Variants in FAM227B observed in about 807,000 individuals in gnomAD.
The protein encoded by FAM227B is family with sequence similarity 227 member B, also known as protein FAM227B.
FAM227B carries 88 observed loss-of-function variants against 73.8 expected under a neutral mutation model. The observed-to-expected ratio is 1.19, with a 90% CI of 1.00 to 1.42. FAM227B has a LOEUF of 1.42. Among genes scored for constraint, FAM227B ranks in the 40% most tolerant of loss-of-function variants. The pLI is 0.00. For synonymous variants in FAM227B, 210 were observed against 190.5 expected, an observed-to-expected ratio of 1.10 and a Z score of -0.84; for missense variants, 632 against 590.9, an observed-to-expected ratio of 1.07 and a Z score of -0.72.
At chr15:49,443,218 T>C (rs1215087526) in intron 11 of FAM227B, among the ~76,000 whole-genome samples, 1 of 151,662 alleles carries the variant, frequency 6.6e-6, no homozygotes, top group South Asian at 2.1e-4. Context: ...AAACTTAGAA[T>C]GAAATAAATT....
At chr15:49,404,277 AT>A (rs2048364554) in intron 11 of FAM227B, among the ~76,000 whole-genome samples, 1 of 152,146 alleles carries the variant, frequency 6.6e-6, no homozygotes, top group Non-Finnish European at 1.5e-5. Flanking sequence ...TATCAGGTCC[AT>A]TTGATCCAGT....
chr15:49,430,365 C>T (rs890038661), intron 11 of FAM227B, among the ~76,000 whole-genome samples: 3 of 151,800 alleles, frequency 2.0e-5, no homozygotes, highest in Admixed American at 2.0e-4. Context: ...CACCTTATGA[C>T]TATGAACTCA....
At chr15:49,352,556 C>T (rs2042401523) in intron 13 of FAM227B, among the ~76,000 whole-genome samples, 1 of 152,160 alleles carries the variant, frequency 6.6e-6, no homozygotes, top group African/African-American at 2.4e-5. Context: ...TTTATCTAGG[C>T]TTCAGAGCGC....
In FAM227B at chr15:49,378,259, T is replaced by C. The variant is rs115681030; in HGVS notation, c.1013-6860A>G. On this transcript the variant is annotated intron_variant, in intron 11 of 15. Transcript: ENST00000299338. ...CAGTACCATGCTGTTTTGGTTCCTC[T>C]AGTTTTGCTCTTTTTGCTTAGGATA... is the stretch of plus-strand genomic sequence containing the variant. Among the ~76,000 whole-genome samples the C allele has an allele frequency of 2.5e-3, 382 of 152,056 alleles. 3 individuals are homozygous for C. Among genetic ancestry groups the C allele is most frequent in the African/African-American group, 8.6e-3 (358 of 41,538 alleles).
At chr15:49,416,402 A>C (rs1336759254) in intron 11 of FAM227B, among the ~76,000 whole-genome samples, 3 of 152,088 alleles carry the variant, frequency 2.0e-5, no homozygotes, top group African/African-American at 7.2e-5. Flanking sequence ...GAGGAAGATA[A>C]ATTCATAGTG....
In FAM227B at chr15:49,459,685, TC is replaced by T. The variant is rs775339616; in HGVS notation, c.1012+48525del. On this transcript the variant is annotated intron_variant, in intron 11 of 15. Coordinates refer to ENST00000299338, the MANE Select transcript of FAM227B (RefSeq NM_152647.3). ...TTCTCTACACTATTATTTTATGCTT[TC>T]AAAAATGACTGTACACATTTTCAGG... Among the ~76,000 whole-genome samples, 35 of 152,330 alleles carry T rather than the reference TC, an allele frequency of 2.3e-4. 1 individual carries two copies. In the East Asian group the frequency reaches 6.6e-3, roughly 29 times the overall value.
chr15:49,590,131 T>A, intron 3 of FAM227B, 124 bp from the exon 4 acceptor site: 1 of 602,472 alleles, frequency 1.7e-6, no homozygotes. Flanking sequence ...TATCACTTTT[T>A]AAAAATTTGA....
chr15:49,386,056 G>A (rs2046865890), intron 11 of FAM227B, among the ~76,000 whole-genome samples: 1 of 151,816 alleles, frequency 6.6e-6, no homozygotes, highest in South Asian at 2.1e-4. Flanking sequence ...AATAGTGGGA[G>A]ACTTCAGTGT....
intron 11 of FAM227B, among the ~76,000 whole-genome samples, chr15:49,425,849 G>A (rs1000156155): frequency 2.0e-5 from 3 of 151,626 alleles, no homozygotes; most frequent in Admixed American, 2.0e-4. Context: ...AAGGTATCAT[G>A]TTAGTTCTAG....
intron 11 of FAM227B, among the ~76,000 whole-genome samples, chr15:49,419,488 G>T (rs534118681): frequency 3.9e-5 from 6 of 152,122 alleles, no homozygotes; most frequent in Non-Finnish European, 5.9e-5. Context: ...AGAAAAAAAT[G>T]GGATAAATGA....
Position 49,327,943 on chromosome 15 carries a change from C to T in FAM227B, c.*625G>A, listed in dbSNP as rs1567070063. 6.3e-6 allele frequency: 10 copies of T among 1,592,334 alleles called. No individual in the cohort carries two copies. The highest frequency in any genetic ancestry group is 5.3e-5 in the Admixed American group (3 of 56,870). On this transcript the variant is annotated 3_prime_UTR_variant, in exon 16 of 16. Coordinates refer to ENST00000299338, the MANE Select transcript of FAM227B (RefSeq NM_152647.3). ...ATAGGTTCTAATATTTTTTTCCTCA[C>T]TGTTTTAGGAAGTTTGGGGCTCAAG...
At chr15:49,568,786 G>C (rs920146124) in intron 8 of FAM227B, among the ~76,000 whole-genome samples, 15 of 151,924 alleles carry the variant, frequency 9.9e-5, no homozygotes, top group Admixed American at 9.8e-4. Flanking sequence ...TGATTTGCTA[G>C]TATTTTGTTG....
rs1596903852 is a variant in FAM227B, at chr15:49,400,037, T to G, written c.1013-28638A>C. Among the ~76,000 whole-genome samples, 5 of 49,630 alleles carry G rather than the reference T, an allele frequency of 1.0e-4. No individual in the cohort carries two copies. In the East Asian group the frequency reaches 2.0e-3, roughly 20 times the overall value. The allele number at this position is 49,630 out of a possible 152,430, so 32.6% of individuals were successfully genotyped here. On this transcript the variant is annotated intron_variant, in intron 11 of 15. Coordinates refer to ENST00000299338, the MANE Select transcript of FAM227B (RefSeq NM_152647.3). ...GGAGAAGGAAATAAAGGGTATTCAATTAGGAAAAGAGGAAGTCAAATTGTC... is the reference window on the plus strand; with the variant it reads ...GGAGAAGGAAATAAAGGGTATTCAAGTAGGAAAAGAGGAAGTCAAATTGTC...
chr15:49,552,669 GTTTT>G (rs1194082205), intron 9 of FAM227B, among the ~76,000 whole-genome samples: 2 of 151,508 alleles, frequency 1.3e-5, no homozygotes, highest in African/African-American at 4.9e-5. Flanking sequence ...ATTGTTTTTT[GTTTT>G]TTTCTTTTGA....
intron 11 of FAM227B, among the ~76,000 whole-genome samples, chr15:49,503,080 T>C (rs948163297): frequency 1.3e-5 from 2 of 152,084 alleles, no homozygotes; most frequent in Non-Finnish European, 2.9e-5. Flanking sequence ...AACAGAGATA[T>C]AGATCAATGG....
chr15:49,396,800 G>A (rs933462599), intron 11 of FAM227B, among the ~76,000 whole-genome samples: 4 of 150,670 alleles, frequency 2.7e-5, no homozygotes, highest in African/African-American at 9.7e-5. Context: ...TCTGTTAGAA[G>A]GAAAACTAAC....
rs375440442 is a variant in FAM227B at position 49,606,847 on chromosome 15, A to AAGG, written c.105+4367_105+4368insCCT. ...AAAAGGAAACAAGGGAAATGAAGAG[A>AAGG]AGAAGGGAAGTGGAACCACAACATT... On this transcript the variant is annotated intron_variant, in intron 3 of 15. Coordinates refer to ENST00000299338, the MANE Select transcript of FAM227B (RefSeq NM_152647.3). Among the ~76,000 whole-genome samples the AAGG allele has an allele frequency of 2.0e-3, 301 of 152,322 alleles. 1 individual carries two copies. The highest frequency in any genetic ancestry group is 6.9e-3 in the African/African-American group (288 of 41,568).
At position 49,550,402 on chromosome 15, in the gene FAM227B, C is replaced by T. The variant is rs543657749; in HGVS notation, c.748-8596G>A. ...CGGGGGCTGACCCCCACCTCCCTCC[C>T]GGACGGGGTGGCTGCTGGGCGGAGA... On this transcript the variant is annotated intron_variant, in intron 9 of 15. Coordinates refer to ENST00000299338, the MANE Select transcript of FAM227B (RefSeq NM_152647.3). Among the ~76,000 whole-genome samples the T allele has an allele frequency of 1.3e-4, 19 of 151,246 alleles. No individual in the cohort carries two copies. In the South Asian group the frequency reaches 2.7e-3, roughly 22 times the overall value.
chr15:49,548,867 C>T (rs2072360580), intron 9 of FAM227B, among the ~76,000 whole-genome samples: 1 of 152,158 alleles, frequency 6.6e-6, no homozygotes, highest in African/African-American at 2.4e-5. Flanking sequence ...TGCAATGTCT[C>T]CTTTTTCATT....
Sources: allele counts gnomAD v4.1 joint callset (sites outside exome capture counted in the v4.1 genomes callset), GRCh38; gene constraint gnomAD v4.1.1; transcripts MANE v1.5; gene names NCBI Gene and HGNC (gene_info 2026-07-23, HGNC 2026-07-21).